GALNT18: variants seen among roughly 807,000 people sequenced by gnomAD.
GALNT18 encodes the protein polypeptide N-acetylgalactosaminyltransferase 18.
GALNT18 carries 44 observed loss-of-function variants against 69.5 expected under a neutral mutation model. The observed-to-expected ratio is 0.63, with a 90% CI of 0.50 to 0.81. The LOEUF (loss-of-function observed/expected upper bound fraction) is 0.81, where lower values mean the gene tolerates loss of function less well. GALNT18 is among the 40% of genes least tolerant of loss of function. The probability of loss-of-function intolerance (pLI) is 0.00; values close to 1 mark genes in which losing one functional copy is unlikely to be tolerated. For missense variants in GALNT18, 715 were observed against 810.0 expected (o/e 0.88, Z 1.42); for synonymous variants, 364 against 318.2 (o/e 1.14, Z -1.53).
chr11:11,310,618 G>A (rs780448845), intron 9 of GALNT18, among the ~76,000 whole-genome samples: 1 of 152,112 alleles, frequency 6.6e-6, no homozygotes, highest in African/African-American at 2.4e-5. Context: ...ATTTAATAGT[G>A]CACTTTTGAG....
chr11:11,496,124 T>TTGAATGAA lies in GALNT18; in HGVS notation c.236-47196_236-47189dup, dbSNP rs144436466. ...GAGCCAGGAGCTTCTTGTGTGTTTG[T>TTGAATGAA]TGAATGAATGAATGAATGAATGAAC... On this transcript the variant is annotated intron_variant, in intron 1 of 10. Transcript: ENST00000227756. The surrounding 1 kb of genome is among the most constrained non-coding windows in gnomAD (Gnocchi z 4.0). Among the ~76,000 whole-genome samples, 7 of 152,178 alleles carry TTGAATGAA rather than the reference T, an allele frequency of 4.6e-5. No individual in the cohort carries two copies. In the East Asian group the frequency reaches 5.8e-4, roughly 13 times the overall value.
At chr11:11,527,439 C>G (rs1857547734) in intron 1 of GALNT18, among the ~76,000 whole-genome samples, 1 of 152,160 alleles carries the variant, frequency 6.6e-6, no homozygotes, top group Non-Finnish European at 1.5e-5. Context: ...AATTATTATT[C>G]TTACGTGGTT....
rs1262787438 is a variant in GALNT18, at chr11:11,389,956, C to G, written c.596-10692G>C. On this transcript the variant is annotated intron_variant, in intron 3 of 10. Coordinates refer to ENST00000227756, the MANE Select transcript of GALNT18 (RefSeq NM_198516.3). This position sits in a 1 kb window ranked among gnomAD's most constrained non-coding sequence, Gnocchi z 4.3. Reference sequence around the variant, plus strand: ...TTAGAGTTTAGAGTGCTGCCGAACTCAAAAATTTGATGATCCTAAAATCTC... The same window carrying G: ...TTAGAGTTTAGAGTGCTGCCGAACTGAAAAATTTGATGATCCTAAAATCTC... Among the ~76,000 whole-genome samples, 1 of 152,098 alleles carries G rather than the reference C, an allele frequency of 6.6e-6. No homozygotes were observed. Among genetic ancestry groups the G allele is most frequent in the Non-Finnish European group, 1.5e-5 (1 of 68,016 alleles).
In GALNT18 at chr11:11,586,923, G is replaced by A. The variant is rs1311628528; in HGVS notation, c.235+34436C>T. On this transcript the variant is annotated intron_variant, in intron 1 of 10. Transcript: ENST00000227756. The surrounding 1 kb of genome is among the most constrained non-coding windows in gnomAD (Gnocchi z 4.1). ...GAATCACTTGAACCCAGGAGGCGGAGGGTGCAGTGAGCCGAGATCGTGTCA... is the reference window on the plus strand; with the variant it reads ...GAATCACTTGAACCCAGGAGGCGGAAGGTGCAGTGAGCCGAGATCGTGTCA... 6.6e-6 allele frequency among the ~76,000 whole-genome samples: 1 copy of A among 152,144 alleles called. No individual in the cohort carries two copies. Among genetic ancestry groups the A allele is most frequent in the East Asian group, 1.9e-4 (1 of 5,198 alleles).
chr11:11,457,290 C>A (rs1021686937), intron 1 of GALNT18, among the ~76,000 whole-genome samples: 1 of 152,222 alleles, frequency 6.6e-6, no homozygotes, highest in Non-Finnish European at 1.5e-5. Context: ...CTGACTGCCT[C>A]ACCTTCTAGG....
Position 11,448,856 on chromosome 11 carries a change from T to C in GALNT18, c.316A>G (p.Ser106Gly), listed in dbSNP as rs759997832. The C allele has an allele frequency of 4.3e-6, 7 of 1,610,196 alleles. No individual in the cohort carries two copies. In the East Asian group the frequency reaches 1.6e-4, roughly 36 times the overall value. The change falls in exon 2 of 11, where the codon AGC becomes GGC. Residue 106 changes from serine to glycine, a missense_variant. By Grantham distance (56) the Ser-to-Gly change is moderately conservative (BLOSUM62 0). Coordinates refer to ENST00000227756, the MANE Select transcript of GALNT18 (RefSeq NM_198516.3). ...SLFAHWGQEL[S>G]PEGRRVALKQ... The stretch of plus-strand genomic sequence containing the variant: ...AGGGCCACGCGCCGGCCTTCGGGGC[T>C]GAGCTCCTGGCCCCAGTGTGCAAAC...
rs1452942845 is a variant in GALNT18, at chr11:11,372,379, A to C, written c.1092+136T>G. 11 of 686,392 alleles carry C rather than the reference A, an allele frequency of 1.6e-5. No homozygotes were observed. Among genetic ancestry groups the C allele is most frequent in the Non-Finnish European group, 2.8e-5 (11 of 397,364 alleles). 42.5% of individuals were successfully genotyped at this position (686,392 alleles called of 1,614,324 possible). On this transcript the variant is annotated intron_variant, in intron 6 of 10. Coordinates refer to ENST00000227756, the MANE Select transcript of GALNT18 (RefSeq NM_198516.3). This position sits in a 1 kb window ranked among gnomAD's most constrained non-coding sequence, Gnocchi z 4.9. ...TCCACCCTGTGTCTTCCCAATCCCAATCACACACAGGATTCAGGACTGGAC... is the reference window on the plus strand; with the variant it reads ...TCCACCCTGTGTCTTCCCAATCCCACTCACACACAGGATTCAGGACTGGAC...
At chr11:11,484,358 C>T (rs932503530) in intron 1 of GALNT18, among the ~76,000 whole-genome samples, 4 of 152,016 alleles carry the variant, frequency 2.6e-5, no homozygotes, top group South Asian at 2.1e-4. Context: ...TCTGGGAGGC[C>T]GAGGTGGGCG....
At chr11:11,390,727 T>A (rs2133714267) in intron 3 of GALNT18, among the ~76,000 whole-genome samples, 1 of 152,252 alleles carries the variant, frequency 6.6e-6, no homozygotes, top group East Asian at 1.9e-4. Context: ...AAGGGAGGGG[T>A]CCCATGAAGG....
chr11:11,611,742 A>ATCT (rs1859907157), intron 1 of GALNT18, among the ~76,000 whole-genome samples: 1 of 152,184 alleles, frequency 6.6e-6, no homozygotes, highest in Non-Finnish European at 1.5e-5. Flanking sequence ...GGTGCTCAGA[A>ATCT]GTCACAATGA....
rs568378160 is a variant in GALNT18 at position 11,560,362 on chromosome 11, T to C, written c.235+60997A>G. ...TGGGAGGTGATGGAATGAAACAGAG[T>C]AGTTGTGACAAAATCTCTTCAAATC... On this transcript the variant is annotated intron_variant, in intron 1 of 10. Transcript: ENST00000227756. 2.3e-5 allele frequency among the ~76,000 whole-genome samples: 3 copies of C among 129,896 alleles called. No individual in the cohort carries two copies. The Admixed American group carries it at 2.3e-4, about 10-fold the overall frequency. The allele number at this position is 129,896 out of a possible 152,430, so 85.2% of individuals were successfully genotyped here. A position where few individuals can be genotyped will look rare whatever the true frequency, so the allele number is the denominator to read the frequency against.
chr11:11,491,800 C>T (rs942444472), intron 1 of GALNT18, among the ~76,000 whole-genome samples: 1 of 152,202 alleles, frequency 6.6e-6, no homozygotes, highest in African/African-American at 2.4e-5. Context: ...CTACACCACA[C>T]CACAGAGGTG....
chr11:11,473,787 A>G (rs1177471178), intron 1 of GALNT18, among the ~76,000 whole-genome samples: 2 of 152,226 alleles, frequency 1.3e-5, no homozygotes, highest in Non-Finnish European at 2.9e-5. Context: ...GACCAAGGCC[A>G]GGTGCAGTGG....
intron 1 of GALNT18, among the ~76,000 whole-genome samples, chr11:11,533,499 G>A (rs4910379): frequency 0.7 from 106,035 of 151,978 alleles, 37,202 homozygotes; most frequent in East Asian, 0.82. Flanking sequence ...CAGGAGTGAG[G>A]CGACGTTCGC....
At chr11:11,276,180 C>T (rs1848942365) in intron 10 of GALNT18, among the ~76,000 whole-genome samples, 1 of 152,152 alleles carries the variant, frequency 6.6e-6, no homozygotes, top group African/African-American at 2.4e-5. Context: ...AATGTTTTTC[C>T]ATTTGCTTGT....
chr11:11,431,199 G>A (rs912144144), intron 3 of GALNT18, among the ~76,000 whole-genome samples: 6 of 152,114 alleles, frequency 3.9e-5, no homozygotes, highest in African/African-American at 1.4e-4. Context: ...TCTTGCTTGG[G>A]GAATGTTTTC....
chr11:11,455,663 G>A (rs929431824), intron 1 of GALNT18, among the ~76,000 whole-genome samples: 16 of 152,218 alleles, frequency 1.1e-4, no homozygotes, highest in Admixed American at 8.5e-4. Flanking sequence ...CCCATGGAAT[G>A]GGGGCAGGAA....
At position 11,396,127 on chromosome 11, in the gene GALNT18, G is replaced by A. The variant is rs1236871380; in HGVS notation, c.596-16863C>T. On this transcript the variant is annotated intron_variant, in intron 3 of 10. Transcript: ENST00000227756. The surrounding 1 kb of genome is among the most constrained non-coding windows in gnomAD (Gnocchi z 5.2). ...CAGTCCCAAAGAGTTAGAGAGAAAA[G>A]TCTTTAAAGTCTGGGCAGGAAACCG... is the stretch of plus-strand genomic sequence containing the variant. 1.3e-5 allele frequency among the ~76,000 whole-genome samples: 2 copies of A among 152,214 alleles called. No individual in the cohort carries two copies. The highest frequency in any genetic ancestry group is 4.8e-5 in the African/African-American group (2 of 41,448).
intron 1 of GALNT18, among the ~76,000 whole-genome samples, chr11:11,565,396 G>C (rs898517676): frequency 1.3e-5 from 2 of 152,154 alleles, no homozygotes; most frequent in Non-Finnish European, 2.9e-5. Flanking sequence ...GAAGGGTTCT[G>C]GTATGCCTGT....
Sources: allele counts gnomAD v4.1 joint callset (sites outside exome capture counted in the v4.1 genomes callset), GRCh38; gene constraint gnomAD v4.1.1; non-coding constraint Gnocchi (gnomAD v3.1); transcripts MANE v1.5; gene names NCBI Gene and HGNC (gene_info 2026-07-23, HGNC 2026-07-21).